Variants in STK10 observed in about 807,000 individuals in gnomAD.
STK10 encodes the protein serine/threonine kinase 10.
STK10 carries 78 observed loss-of-function variants against 113.8 expected under a neutral mutation model. The ratio of observed to expected loss-of-function variants is 0.69; its 90% CI spans 0.57 to 0.83. The LOEUF is 0.83. STK10 is among the 40% of genes least tolerant of loss of function. The probability of loss-of-function intolerance (pLI) is 0.00; values close to 1 mark genes in which losing one functional copy is unlikely to be tolerated. For missense variants in STK10, 1,109 were observed against 1,280.1 expected, an observed-to-expected ratio of 0.87 and a Z score of 2.04; for synonymous variants, 465 against 494.7, an observed-to-expected ratio of 0.94 and a Z score of 0.80.
chr5:172,055,907 G>T, intron 15 of STK10, 131 bp from the exon 16 acceptor site: 1 of 670,510 alleles, frequency 1.5e-6, no homozygotes, highest in Non-Finnish European at 2.1e-6. Context: ...AGCAGATCAA[G>T]GCTGGTGTTA....
In STK10 at chr5:172,044,943, T is replaced by C; in HGVS notation, c.2846A>G (p.Asn949Ser). Residue 949 changes from asparagine (N) to serine (S), a missense_variant, in exon 19 of 19, where the codon AAC becomes AGC. Coordinates refer to ENST00000176763, the MANE Select transcript of STK10 (RefSeq NM_005990.4). This position sits in a 1 kb window ranked among gnomAD's most constrained non-coding sequence, Gnocchi z 4.5. ...GGCGGCCTTGCTTGGGGTGGAGGGG[T>C]TTGGGCACTCCGCCTCCTCGCTCAG... ...FKLSEEAECP[N>S]PSTPSKAAKF... 3 of 1,613,692 alleles carry C rather than the reference T, an allele frequency of 1.9e-6. No individual in the cohort carries two copies. Among genetic ancestry groups the C allele is most frequent in the Non-Finnish European group, 1.7e-6 (2 of 1,179,896 alleles).
intron 2 of STK10, among the ~76,000 whole-genome samples, chr5:172,131,343 C>T (rs1016836781): frequency 2.0e-5 from 3 of 152,140 alleles, no homozygotes; most frequent in East Asian, 1.9e-4. Context: ...CTGTCATCAG[C>T]TATTCTTAAG....
chr5:172,168,324 C>A (rs1207603352), intron 1 of STK10, among the ~76,000 whole-genome samples: 1 of 152,186 alleles, frequency 6.6e-6, no homozygotes, highest in Non-Finnish European at 1.5e-5. Flanking sequence ...GAAAATCTGG[C>A]CCCAGAGAAA....
intron 2 of STK10, among the ~76,000 whole-genome samples, chr5:172,137,374 A>G (rs1769885031): frequency 6.6e-6 from 1 of 152,172 alleles, no homozygotes; most frequent in Non-Finnish European, 1.5e-5. Flanking sequence ...AGTGGGATTT[A>G]TTCCTGGAAT....
intron 14 of STK10, among the ~76,000 whole-genome samples, chr5:172,057,833 A>G (rs937666514): frequency 2.6e-5 from 4 of 152,174 alleles, no homozygotes; most frequent in Non-Finnish European, 5.9e-5. Flanking sequence ...ACACAGCTAT[A>G]CCATGGAGGG....
chr5:172,145,902 T>C (rs1770077083), intron 2 of STK10, among the ~76,000 whole-genome samples: 1 of 152,074 alleles, frequency 6.6e-6, no homozygotes, highest in South Asian at 2.1e-4. Flanking sequence ...GAAACCGAAA[T>C]CACCATCCAT....
intron 18 of STK10, among the ~76,000 whole-genome samples, chr5:172,051,363 G>A (rs1324193985): frequency 6.6e-6 from 1 of 150,996 alleles, no homozygotes; most frequent in Non-Finnish European, 1.5e-5. Context: ...ACGTTCCCAC[G>A]CCTGTAATCC....
chr5:172,057,536 G>T, intron 14 of STK10, 63 bp from the exon 15 acceptor site: 1 of 1,520,040 alleles, frequency 6.6e-7, no homozygotes. Context: ...CAGGCCCCCT[G>T]CCCCCCACCT....
rs568884219 is a variant in STK10 at position 172,042,638 on chromosome 5, G to A, written c.*2244C>T. The A allele has an allele frequency of 5.2e-5, 8 of 152,394 alleles. No individual in the cohort carries two copies. The highest frequency in any genetic ancestry group is 1.9e-4 in the African/African-American group (8 of 41,576). 9.4% of individuals were successfully genotyped at this position (152,394 alleles called of 1,614,324 possible). ...CCTGGCCTGGTAGAACTGGGTCTAT[G>A]TTCTGCAGTTACACTGCCGCTAGTT... is the stretch of plus-strand genomic sequence containing the variant. On this transcript the variant is annotated 3_prime_UTR_variant, in exon 19 of 19. Coordinates refer to ENST00000176763, the MANE Select transcript of STK10 (RefSeq NM_005990.4).
intron 2 of STK10, among the ~76,000 whole-genome samples, chr5:172,130,595 C>A (rs1256628744): frequency 2.6e-5 from 4 of 151,870 alleles, no homozygotes; most frequent in African/African-American, 9.7e-5. Flanking sequence ...AGGTCAGACA[C>A]TTCCCGCTTC....
intron 1 of STK10, among the ~76,000 whole-genome samples, chr5:172,183,576 T>C (rs540528348): frequency 6.6e-6 from 1 of 151,782 alleles, no homozygotes; most frequent in Non-Finnish European, 1.5e-5. Context: ...GGCCTCCTAG[T>C]AGCTGGGATT....
At chr5:172,072,927 G>A (rs1302052601) in intron 12 of STK10, among the ~76,000 whole-genome samples, 6 of 152,198 alleles carry the variant, frequency 3.9e-5, no homozygotes, top group Non-Finnish European at 8.8e-5. Context: ...TGCAGTACAA[G>A]ATTAATATAT....
At chr5:172,185,342 C>T (rs1475203150) in intron 1 of STK10, among the ~76,000 whole-genome samples, 1 of 152,112 alleles carries the variant, frequency 6.6e-6, no homozygotes, top group Admixed American at 6.5e-5. Context: ...TATCTCAGCT[C>T]ACTGCACCCT....
rs371392302 is a variant in STK10 at position 172,042,657 on chromosome 5, G to A, written c.*2225C>T. 1.1e-4 allele frequency: 16 copies of A among 152,322 alleles called. No individual in the cohort carries two copies. The highest frequency in any genetic ancestry group is 2.6e-4 in the African/African-American group (11 of 41,556). 9.4% of individuals were successfully genotyped at this position (152,322 alleles called of 1,614,324 possible). A position where few individuals can be genotyped will look rare whatever the true frequency, so the allele number is the denominator to read the frequency against. ...GTCTATGTTCTGCAGTTACACTGCC[G>A]CTAGTTCATGTTTCCCCAGCACCAA... is the stretch of plus-strand genomic sequence containing the variant. On this transcript the variant is annotated 3_prime_UTR_variant, in exon 19 of 19. Transcript: ENST00000176763.
chr5:172,181,271 A>G (rs74656644), intron 1 of STK10, among the ~76,000 whole-genome samples: 6,830 of 152,106 alleles, frequency 0.045, 197 homozygotes, highest in South Asian at 0.1. Context: ...AAACTGTACT[A>G]CTGGATTTTA....
At position 172,065,292 on chromosome 5, in the gene STK10, CTTT is replaced by C. The variant is rs535856789; in HGVS notation, c.1990-483_1990-481del. ...TAACACTAGCCGGGCTGAAAATGCA[CTTT>C]TTTTTTTTTTTTTTTTTGAGATGGA... On this transcript the variant is annotated intron_variant, in intron 12 of 18. Coordinates refer to ENST00000176763, the MANE Select transcript of STK10 (RefSeq NM_005990.4). Among the ~76,000 whole-genome samples the C allele has an allele frequency of 3.5e-3, 431 of 123,156 alleles. 5 individuals carry two copies. Among genetic ancestry groups the C allele is most frequent in the African/African-American group, 0.012 (398 of 32,496 alleles). 80.8% of individuals were successfully genotyped at this position (123,156 alleles called of 152,430 possible).
At chr5:172,149,498 G>A (rs1770160781) in intron 2 of STK10, among the ~76,000 whole-genome samples, 2 of 50,402 alleles carry the variant, frequency 4.0e-5, no homozygotes, top group Non-Finnish European at 8.5e-5. Flanking sequence ...AAGTGCTCGT[G>A]TGTGTGTGTG....
chr5:172,141,406 G>A (rs904063327), intron 2 of STK10, among the ~76,000 whole-genome samples: 4 of 151,324 alleles, frequency 2.6e-5, no homozygotes, highest in Non-Finnish European at 4.4e-5. Flanking sequence ...GTGAGACCTC[G>A]TATCTACAAA....
intron 1 of STK10, among the ~76,000 whole-genome samples, chr5:172,183,828 T>A (rs1362761438): frequency 1.3e-5 from 2 of 152,204 alleles, no homozygotes; most frequent in Admixed American, 1.3e-4. Context: ...TGCATTCACA[T>A]AGGCATTGAG....
Sources: gnomAD v4.1 joint callset for allele counts (sites outside exome capture counted in the v4.1 genomes callset) on GRCh38, gnomAD v4.1.1 for gene constraint, Gnocchi (gnomAD v3.1) non-coding constraint, MANE v1.5 for transcripts, NCBI Gene and HGNC (gene_info 2026-07-23, HGNC 2026-07-21) for gene names.